The following CCSER1 variants were observed in gnomAD, a reference collection of about 807,000 sequenced individuals.
CCSER1 encodes the protein coiled-coil serine rich protein 1.
Under a neutral mutation model 82.0 loss-of-function variants are expected in CCSER1, and 41 were observed. The ratio of observed to expected loss-of-function variants is 0.50; its 90% CI spans 0.39 to 0.65. The LOEUF is 0.65. Ranked by LOEUF, CCSER1 falls within the 30% of genes least tolerant of loss-of-function variation. The pLI, the probability that CCSER1 is intolerant of heterozygous loss-of-function variation, is 0.00. For synonymous variants in CCSER1, 414 were observed against 383.9 expected (o/e 1.08, Z -0.92); for missense variants, 1,119 against 1,064.2 (o/e 1.05, Z -0.72).
intron 4 of CCSER1, among the ~76,000 whole-genome samples, chr4:90,423,553 T>G (rs1193986560): frequency 1.3e-5 from 2 of 149,330 alleles, no homozygotes; most frequent in Non-Finnish European, 3.0e-5. Context: ...CTTTTTTTAT[T>G]AACCTCCGCC....
intron 9 of CCSER1, among the ~76,000 whole-genome samples, chr4:91,044,574 A>T (rs1442566141): frequency 6.6e-6 from 1 of 152,158 alleles, no homozygotes; most frequent in Admixed American, 6.5e-5. Context: ...ATTTTAATTC[A>T]GGTTGGTCTG....
chr4:91,308,760 T>G (rs1745245212), intron 10 of CCSER1, among the ~76,000 whole-genome samples: 2 of 151,948 alleles, frequency 1.3e-5, no homozygotes, highest in Non-Finnish European at 2.9e-5. Flanking sequence ...TGGAATGTAG[T>G]CAACAGTAAT....
At chr4:90,137,370 G>A (rs1165088428) in intron 1 of CCSER1, among the ~76,000 whole-genome samples, 1 of 152,172 alleles carries the variant, frequency 6.6e-6, no homozygotes, top group African/African-American at 2.4e-5. Context: ...TTCAGTTTCT[G>A]ATAGGAGGAA....
At chr4:91,298,312 T>C (rs2149233400) in intron 10 of CCSER1, among the ~76,000 whole-genome samples, 1 of 152,152 alleles carries the variant, frequency 6.6e-6, no homozygotes, top group African/African-American at 2.4e-5. Context: ...AAGATGCAGT[T>C]GCTGGAAGCT....
At chr4:91,427,911 T>C (rs1754085346) in intron 10 of CCSER1, among the ~76,000 whole-genome samples, 1 of 69,766 alleles carries the variant, frequency 1.4e-5, no homozygotes, top group Admixed American at 1.4e-4. Flanking sequence ...TAAATATAAA[T>C]ACCATGCTTA....
At chr4:91,475,012 CT>C (rs1014544228) in intron 10 of CCSER1, among the ~76,000 whole-genome samples, 1 of 151,464 alleles carries the variant, frequency 6.6e-6, no homozygotes, top group South Asian at 2.1e-4. Flanking sequence ...GTTAGGGTCA[CT>C]TTTTTTGGTG....
chr4:91,331,706 A>G (rs1237861654), intron 10 of CCSER1, among the ~76,000 whole-genome samples: 6 of 152,156 alleles, frequency 3.9e-5, no homozygotes, highest in Non-Finnish European at 1.5e-5. Flanking sequence ...GCACATTTAA[A>G]AAGATGTCAA....
At chr4:91,564,985 T>C (rs1381074059) in intron 10 of CCSER1, among the ~76,000 whole-genome samples, 1 of 151,680 alleles carries the variant, frequency 6.6e-6, no homozygotes, top group Non-Finnish European at 1.5e-5. Flanking sequence ...AGGGTTTTTA[T>C]CATCTTGGGT....
intron 10 of CCSER1, among the ~76,000 whole-genome samples, chr4:91,384,485 A>ATTT (rs1560630015): frequency 2.9e-4 from 44 of 151,306 alleles, no homozygotes; most frequent in African/African-American, 1.0e-3. Context: ...TTTTTTTTTA[A>ATTT]AAAAATAAAT....
intron 5 of CCSER1, among the ~76,000 whole-genome samples, chr4:90,524,896 G>T (rs930992930): frequency 2.6e-5 from 4 of 151,600 alleles, no homozygotes; most frequent in Non-Finnish European, 5.9e-5. Context: ...AATTATAATT[G>T]CCAGTATTAA....
At chr4:90,738,501 C>T (rs1746022861) in intron 7 of CCSER1, among the ~76,000 whole-genome samples, 1 of 152,094 alleles carries the variant, frequency 6.6e-6, no homozygotes, top group Non-Finnish European at 1.5e-5. Flanking sequence ...TTGTCAAGAG[C>T]TGGGGAAGTG....
chr4:91,221,259 GCAGT>G (rs2073891081), intron 10 of CCSER1, among the ~76,000 whole-genome samples: 1 of 151,948 alleles, frequency 6.6e-6, no homozygotes, highest in South Asian at 2.1e-4. Context: ...TCCACAAAAT[GCAGT>G]CAATTTATTT....
chr4:90,214,747 TA>T (rs918127342), intron 1 of CCSER1, among the ~76,000 whole-genome samples: 12 of 152,130 alleles, frequency 7.9e-5, no homozygotes, highest in African/African-American at 2.9e-4. Context: ...TAACAGACTT[TA>T]AAAAAACATT....
intron 3 of CCSER1, among the ~76,000 whole-genome samples, chr4:90,326,659 A>C (rs1233693011): frequency 1.3e-5 from 2 of 152,216 alleles, no homozygotes; most frequent in South Asian, 2.1e-4. Flanking sequence ...TTTATGTGTC[A>C]GTGAGAAACA....
At chr4:91,565,606 A>C (rs973650061) in intron 10 of CCSER1, among the ~76,000 whole-genome samples, 37 of 151,326 alleles carry the variant, frequency 2.4e-4, no homozygotes, top group Non-Finnish European at 1.2e-4. Context: ...CATTGTAGAG[A>C]TCTTTCACCT....
At chr4:91,209,353 A>G (rs955543945) in intron 10 of CCSER1, among the ~76,000 whole-genome samples, 5 of 152,044 alleles carry the variant, frequency 3.3e-5, no homozygotes, top group Admixed American at 1.3e-4. Context: ...TGGGTTTTTC[A>G]TAGATGGCTC....
chr4:90,438,828 T>C (rs1578468486), intron 4 of CCSER1, among the ~76,000 whole-genome samples: 1 of 152,092 alleles, frequency 6.6e-6, no homozygotes, highest in Non-Finnish European at 1.5e-5. Context: ...TCAGAGAACT[T>C]GATTGCCCTT....
intron 7 of CCSER1, among the ~76,000 whole-genome samples, chr4:90,734,629 G>A (rs529036896): frequency 5.3e-5 from 8 of 152,140 alleles, no homozygotes; most frequent in South Asian, 4.1e-4. Context: ...AATAGATTCC[G>A]TTGGGATATA....
At chr4:90,650,402 T>C (rs1728527441) in intron 6 of CCSER1, among the ~76,000 whole-genome samples, 1 of 152,130 alleles carries the variant, frequency 6.6e-6, no homozygotes, top group Admixed American at 6.5e-5. Context: ...GAAAGGAACA[T>C]GTTAAGATAG....
Sources: allele counts gnomAD v4.1 joint callset (sites outside exome capture counted in the v4.1 genomes callset), GRCh38; gene constraint gnomAD v4.1.1; transcripts MANE v1.5; gene names NCBI Gene and HGNC (gene_info 2026-07-23, HGNC 2026-07-21).